The following UBE2V2 variants were observed in gnomAD, a reference collection of about 807,000 sequenced individuals.
The protein encoded by UBE2V2 is ubiquitin conjugating enzyme E2 V2.
Under a neutral mutation model 17.2 loss-of-function variants are expected in UBE2V2, and 9 were observed. That is an observed-to-expected ratio of 0.52 (90% CI 0.32 to 0.91). UBE2V2 has a LOEUF of 0.91. Among genes scored for constraint, UBE2V2 ranks in the 40% least tolerant of loss-of-function variants. The pLI, the probability that UBE2V2 is intolerant of heterozygous loss-of-function variation, is 0.04. For synonymous variants in UBE2V2, 61 were observed against 57.5 expected, an observed-to-expected ratio of 1.06 and a Z score of -0.28; for missense variants, 133 against 182.6, an observed-to-expected ratio of 0.73 and a Z score of 1.56.
At chr8:48,045,246 A>G (rs1055265599) in intron 2 of UBE2V2, among the ~76,000 whole-genome samples, 6 of 152,354 alleles carry the variant, frequency 3.9e-5, no homozygotes, top group African/African-American at 1.4e-4. Flanking sequence ...AGAGAAAAGC[A>G]TACAAATTTA....
upstream of UBE2V2, among the ~76,000 whole-genome samples, chr8:48,004,508 TTC>T (rs774753090): frequency 5.3e-5 from 8 of 150,454 alleles, no homozygotes; most frequent in South Asian, 4.2e-4. Context: ...TTATTTCCTC[TTC>T]TGTTTTTTTT....
At chr8:48,047,734 G>A (rs931558893) in intron 2 of UBE2V2, among the ~76,000 whole-genome samples, 7 of 151,912 alleles carry the variant, frequency 4.6e-5, no homozygotes, top group African/African-American at 1.7e-4. Flanking sequence ...TTTTAATAGA[G>A]ACGGGGTTTC....
At chr8:48,014,586 A>G (rs1240887350) in intron 1 of UBE2V2, among the ~76,000 whole-genome samples, 9 of 148,972 alleles carry the variant, frequency 6.0e-5, no homozygotes, top group Admixed American at 2.7e-4. Context: ...CGAAGCTTGC[A>G]GTGAGCTGAG....
chr8:48,046,701 A>G (rs1213371731), intron 2 of UBE2V2, among the ~76,000 whole-genome samples: 1 of 152,230 alleles, frequency 6.6e-6, no homozygotes, highest in South Asian at 2.1e-4. Context: ...GGCTCAAACA[A>G]TCCTCCCACC....
chr8:48,048,250 G>T (rs770602587), intron 2 of UBE2V2, among the ~76,000 whole-genome samples: 16 of 152,182 alleles, frequency 1.1e-4, no homozygotes, highest in Non-Finnish European at 2.1e-4. Context: ...GAGCAATTCA[G>T]TTGTGTTATC....
intron 1 of UBE2V2, among the ~76,000 whole-genome samples, chr8:48,033,512 T>G (rs967443429): frequency 1.3e-5 from 2 of 151,984 alleles, no homozygotes; most frequent in African/African-American, 4.8e-5. Context: ...AAAATAAAAT[T>G]TATTGTGTGT....
chr8:48,035,631 T>TTTG (rs1554657539), intron 1 of UBE2V2, among the ~76,000 whole-genome samples: 52 of 109,538 alleles, frequency 4.7e-4, no homozygotes, highest in Admixed American at 1.2e-3. Flanking sequence ...TTTTTTTTTT[T>TTTG]TGTGTGTGTG....
intron 1 of UBE2V2, among the ~76,000 whole-genome samples, chr8:48,036,129 A>G (rs2091423528): frequency 6.7e-6 from 1 of 149,964 alleles, no homozygotes; most frequent in East Asian, 2.0e-4. Context: ...TAATTTTTGC[A>G]TTTTTTTGTA....
At chr8:48,051,681 G>A (rs2091539618) in intron 3 of UBE2V2, among the ~76,000 whole-genome samples, 1 of 151,994 alleles carries the variant, frequency 6.6e-6, no homozygotes, top group Non-Finnish European at 1.5e-5. Context: ...TGTACTTCTG[G>A]CAACAAGTTG....
upstream of UBE2V2, chr8:48,008,315 C>A (rs557859915): frequency 1.3e-5 from 15 of 1,175,804 alleles, no homozygotes; most frequent in Non-Finnish European, 1.5e-5. Flanking sequence ...CCTCGGCCCA[C>A]GTGCGCGCTG....
chr8:48,008,518 T>C, intron 1 of UBE2V2, 48 bp downstream of exon 1: 1 of 1,543,958 alleles, frequency 6.5e-7, no homozygotes, highest in Non-Finnish European at 8.7e-7. Flanking sequence ...GACCCGGCTC[T>C]GCCCCTCCGT....
At chr8:48,014,065 T>C (rs927900756) in intron 1 of UBE2V2, among the ~76,000 whole-genome samples, 1 of 152,188 alleles carries the variant, frequency 6.6e-6, no homozygotes, top group South Asian at 2.1e-4. Context: ...AACTAAACGA[T>C]AGAAGAGCTG....
chr8:48,017,144 CAT>C (rs1375571048), intron 1 of UBE2V2, among the ~76,000 whole-genome samples: 2 of 151,964 alleles, frequency 1.3e-5, no homozygotes, highest in Non-Finnish European at 2.9e-5. Context: ...GGTGATACCT[CAT>C]GTGGGTTTTT....
At chr8:48,060,220 A>T (rs1802573859) in intron 3 of UBE2V2, among the ~76,000 whole-genome samples, 1 of 150,736 alleles carries the variant, frequency 6.6e-6, no homozygotes. Context: ...AAAAAAAAAA[A>T]AAAAAAAAAA....
intron 1 of UBE2V2, among the ~76,000 whole-genome samples, chr8:48,039,084 A>ACT (rs1167936945): frequency 6.6e-6 from 1 of 150,682 alleles, no homozygotes; most frequent in African/African-American, 2.4e-5. Flanking sequence ...TATTTTTAGT[A>ACT]GAGACGGGTT....
intron 1 of UBE2V2, among the ~76,000 whole-genome samples, chr8:48,010,427 A>T (rs1445184933): frequency 1.5e-5 from 2 of 135,932 alleles, no homozygotes; most frequent in Non-Finnish European, 3.1e-5. Flanking sequence ...TTTGAGACGC[A>T]GTCTTGCTCT....
At chr8:48,046,588 C>T (rs562148233) in intron 2 of UBE2V2, among the ~76,000 whole-genome samples, 6 of 152,122 alleles carry the variant, frequency 3.9e-5, no homozygotes, top group South Asian at 4.1e-4. Context: ...TTACATGGTT[C>T]GTTGTTTTTT....
At chr8:48,046,364 C>T (rs1023219935) in intron 2 of UBE2V2, among the ~76,000 whole-genome samples, 15 of 151,992 alleles carry the variant, frequency 9.9e-5, no homozygotes, top group Admixed American at 3.9e-4. Flanking sequence ...GTGATCCACC[C>T]GCCTCGGCCT....
At chr8:48,029,348 T>A (rs2091367553) in intron 1 of UBE2V2, among the ~76,000 whole-genome samples, 1 of 151,912 alleles carries the variant, frequency 6.6e-6, no homozygotes, top group Admixed American at 6.6e-5. Context: ...CACACAAACA[T>A]CAGAGAACCA....
Sources: allele counts gnomAD v4.1 joint callset (sites outside exome capture counted in the v4.1 genomes callset), GRCh38; gene constraint gnomAD v4.1.1; transcripts MANE v1.5; gene names NCBI Gene and HGNC (gene_info 2026-07-23, HGNC 2026-07-21).